The following SAMD5 variants were observed in gnomAD, a reference collection of about 807,000 sequenced individuals.
SAMD5 encodes the protein sterile alpha motif domain containing 5.
In SAMD5, 13 loss-of-function variants were observed where a neutral mutation model predicts 11.3. The observed-to-expected ratio is 1.15, with a 90% confidence interval of 0.75 to 1.83. The LOEUF (loss-of-function observed/expected upper bound fraction) is 1.83, where lower values mean the gene tolerates loss of function less well. Among genes scored for constraint, SAMD5 ranks in the 40% most tolerant of loss-of-function variants. The pLI is 0.00. For synonymous variants in SAMD5, 129 were observed against 111.3 expected, an observed-to-expected ratio of 1.16 and a Z score of -1.00; for missense variants, 255 against 239.1, an observed-to-expected ratio of 1.07 and a Z score of -0.44.
At chr6:147,743,489 C>G in the SAMD5 span, among the ~76,000 whole-genome samples, 2 of 149,896 alleles carry the variant, frequency 1.3e-5, no homozygotes, top group Admixed American at 1.3e-4. Flanking sequence ...GGCAACAGAG[C>G]GAGACTCTGT....
the SAMD5 span, among the ~76,000 whole-genome samples, chr6:147,798,695 G>T: frequency 1.3e-5 from 2 of 152,024 alleles, no homozygotes; most frequent in Non-Finnish European, 2.9e-5. Context: ...ATTAATGTGT[G>T]GGAGTCTAAG....
the SAMD5 span, among the ~76,000 whole-genome samples, chr6:147,778,978 G>A: frequency 7.2e-5 from 8 of 110,952 alleles, no homozygotes; most frequent in Non-Finnish European, 1.1e-4. Flanking sequence ...GATTTTTTTC[G>A]GGGAAAATGG....
the SAMD5 span, among the ~76,000 whole-genome samples, chr6:147,898,021 G>T: frequency 1.3e-5 from 2 of 149,208 alleles, no homozygotes; most frequent in Non-Finnish European, 3.0e-5. Context: ...AGGCTGTCAG[G>T]ATCCTTCAGA....
At chr6:147,941,574 G>C in the SAMD5 span, among the ~76,000 whole-genome samples, 2 of 152,186 alleles carry the variant, frequency 1.3e-5, no homozygotes, top group East Asian at 3.9e-4. Flanking sequence ...TACCGTATCT[G>C]TTTACTTCAT....
the SAMD5 span, among the ~76,000 whole-genome samples, chr6:147,756,112 G>C: frequency 1.3e-5 from 2 of 152,150 alleles, no homozygotes; most frequent in Admixed American, 1.3e-4. Flanking sequence ...TCTACAATCA[G>C]AAAGCTGAAC....
At chr6:147,678,111 G>A (rs910436369) in intron 1 of SAMD5, among the ~76,000 whole-genome samples, 6 of 152,294 alleles carry the variant, frequency 3.9e-5, no homozygotes, top group African/African-American at 1.2e-4. Context: ...CCATAAGATT[G>A]TCTTATTTTA....
At chr6:147,940,700 C>T in the SAMD5 span, among the ~76,000 whole-genome samples, 34,905 of 151,946 alleles carry the variant, frequency 0.23, 4,547 homozygotes, top group African/African-American at 0.35. Context: ...CAGCGGCTCA[C>T]ACCTAGAATC....
chr6:147,739,812 CTTATT>C (rs752407412), downstream of SAMD5, among the ~76,000 whole-genome samples: 12 of 151,772 alleles, frequency 7.9e-5, no homozygotes, highest in African/African-American at 2.4e-4. Context: ...TTTGTATTTT[CTTATT>C]TTATTTTATT....
At chr6:147,886,055 C>G in the SAMD5 span, among the ~76,000 whole-genome samples, 1 of 152,072 alleles carries the variant, frequency 6.6e-6, no homozygotes, top group Non-Finnish European at 1.5e-5. Context: ...TATTTCTGAA[C>G]CTAGATGCAA....
intron 1 of SAMD5, among the ~76,000 whole-genome samples, chr6:147,710,260 A>C (rs1336604455): frequency 1.3e-5 from 2 of 151,874 alleles, no homozygotes; most frequent in Non-Finnish European, 2.9e-5. Context: ...CCTCCTACCC[A>C]CCCCGTATGT....
chr6:147,645,629 AT>A (rs1790386028), intron 1 of SAMD5, among the ~76,000 whole-genome samples: 1 of 152,142 alleles, frequency 6.6e-6, no homozygotes, highest in Non-Finnish European at 1.5e-5. Flanking sequence ...AGCATTTCCC[AT>A]AGTTTTATAT....
Position 147,508,850 on chromosome 6 carries a change from TA to T in SAMD5, c.-75del. 1.3e-6 allele frequency: 2 copies of T among 1,532,688 alleles called. No homozygotes were observed. Among genetic ancestry groups the T allele is most frequent in the South Asian group, 2.5e-5 (2 of 80,518 alleles). The allele number at this position is 1,532,688 out of a possible 1,614,324, so 94.9% of individuals were successfully genotyped here. Reference sequence around the variant, plus strand: ...CCCTTTTCCCCTTGGAGGAGAGGATTAAAAGTTCCAAGAACTGGTGCCGCCC... The same window carrying T: ...CCCTTTTCCCCTTGGAGGAGAGGATTAAAGTTCCAAGAACTGGTGCCGCCC... On this transcript the variant is annotated 5_prime_UTR_variant, in exon 1 of 2. Coordinates refer to ENST00000367474, the MANE Select transcript of SAMD5 (RefSeq NM_001030060.3).
At chr6:147,739,941 C>T (rs55639849), downstream of SAMD5, among the ~76,000 whole-genome samples, 26,019 of 151,840 alleles carry the variant, frequency 0.17, 3,165 homozygotes, top group African/African-American at 0.34. Flanking sequence ...TGTCTCAGCC[C>T]CCCAAATAGC....
chr6:147,744,275 A>C, the SAMD5 span, among the ~76,000 whole-genome samples: 1 of 152,228 alleles, frequency 6.6e-6, no homozygotes, highest in Non-Finnish European at 1.5e-5. Context: ...TTATTATGGT[A>C]ATTAAATGAA....
At chr6:147,898,270 T>A in the SAMD5 span, among the ~76,000 whole-genome samples, 3 of 151,724 alleles carry the variant, frequency 2.0e-5, no homozygotes, top group East Asian at 5.8e-4. Context: ...CTACTCCCTT[T>A]AAAAAAAAAT....
chr6:147,832,509 C>T, the SAMD5 span, among the ~76,000 whole-genome samples: 3 of 152,140 alleles, frequency 2.0e-5, no homozygotes, highest in Admixed American at 1.3e-4. Flanking sequence ...TGATGGTCCA[C>T]CCCATTCATT....
At chr6:147,744,309 A>G in the SAMD5 span, among the ~76,000 whole-genome samples, 3 of 152,224 alleles carry the variant, frequency 2.0e-5, no homozygotes, top group African/African-American at 4.8e-5. Flanking sequence ...AGAAATGAGA[A>G]TAGTTCCTGA....
At chr6:147,834,406 C>T in the SAMD5 span, among the ~76,000 whole-genome samples, 3 of 152,138 alleles carry the variant, frequency 2.0e-5, no homozygotes, top group Non-Finnish European at 2.9e-5. Context: ...TCTCTGAAGA[C>T]ATTATAGCGA....
downstream of SAMD5, among the ~76,000 whole-genome samples, chr6:147,573,814 G>A (rs1415964805): frequency 6.6e-6 from 1 of 152,148 alleles, no homozygotes; most frequent in Non-Finnish European, 1.5e-5. Flanking sequence ...TTGTTTTCAA[G>A]ATATGCTAGA....
Sources: gnomAD v4.1 joint callset for allele counts (sites outside exome capture counted in the v4.1 genomes callset) on GRCh38, gnomAD v4.1.1 for gene constraint, MANE v1.5 for transcripts, NCBI Gene and HGNC (gene_info 2026-07-23, HGNC 2026-07-21) for gene names.